ATP11A: variants seen among roughly 807,000 people sequenced by gnomAD.
The protein encoded by ATP11A is phospholipid-transporting ATPase IH.
Under a neutral mutation model 154.4 loss-of-function variants are expected in ATP11A, and 81 were observed. That is an observed-to-expected ratio of 0.52 (90% CI 0.44 to 0.63). The LOEUF (loss-of-function observed/expected upper bound fraction) is 0.63, where lower values mean the gene tolerates loss of function less well. Ranked by LOEUF, ATP11A falls within the 30% of genes least tolerant of loss-of-function variation. The probability of loss-of-function intolerance (pLI) is 0.00; values close to 1 mark genes in which losing one functional copy is unlikely to be tolerated. For missense variants in ATP11A, 1,316 were observed against 1,474.3 expected (o/e 0.89, Z 1.76); for synonymous variants, 623 against 585.9 (o/e 1.06, Z -0.91).
chr13:112,780,621 G>A (rs894093834), intron 1 of ATP11A, among the ~76,000 whole-genome samples: 1 of 152,238 alleles, frequency 6.6e-6, no homozygotes, highest in South Asian at 2.1e-4. Context: ...TCCAGGAGTC[G>A]CTCGAGATGT....
intron 2 of ATP11A, among the ~76,000 whole-genome samples, chr13:112,801,036 A>G (rs980404302): frequency 1.7e-4 from 26 of 152,348 alleles, no homozygotes; most frequent in African/African-American, 5.8e-4. Context: ...CTGACGTCAT[A>G]CTTAATGGTG....
At chr13:112,768,225 CAA>C (rs1465241232) in intron 1 of ATP11A, among the ~76,000 whole-genome samples, 1 of 152,258 alleles carries the variant, frequency 6.6e-6, no homozygotes, top group African/African-American at 2.4e-5. Context: ...ACATGGGACA[CAA>C]GAGGCAGCCC....
In ATP11A at chr13:112,819,332, G is replaced by C. The variant is rs776419257; in HGVS notation, c.599G>C (p.Gly200Ala). The C allele has an allele frequency of 1.2e-6, 2 of 1,614,090 alleles. No homozygotes were observed. The highest frequency in any genetic ancestry group is 2.2e-5 in the East Asian group (1 of 44,892). Reference protein sequence around the residue: ...KTHYAVQDTKGFHTEEDIGGL... With the variant: ...KTHYAVQDTKAFHTEEDIGGL... ...CATTACGCGGTCCAGGACACCAAAG[G>C]CTTCCACACAGAGGAGGATATCGGC... Residue 200 changes from glycine (G) to alanine (A), a missense_variant, in exon 7 of 30, where the codon GGC (glycine) becomes GCC (alanine). Around this residue, in one of 5 missense-constraint regions of ATP11A, gnomAD observed 876 missense variants for 1,006.8 expected, o/e 0.87. Coordinates refer to ENST00000375645, the MANE Select transcript of ATP11A (RefSeq NM_015205.3).
At position 112,869,456 on chromosome 13, in the gene ATP11A, AG is replaced by A. The variant is rs1228549133; in HGVS notation, c.2992-2275del. Among the ~76,000 whole-genome samples, 6 of 152,282 alleles carry A rather than the reference AG, an allele frequency of 3.9e-5. No individual in the cohort carries two copies. The South Asian group carries it at 1.2e-3, about 32-fold the overall frequency. On this transcript the variant is annotated intron_variant, in intron 25 of 29. Coordinates refer to ENST00000375645, the MANE Select transcript of ATP11A (RefSeq NM_015205.3). The stretch of plus-strand genomic sequence containing the variant: ...CAGTTTCTCGGCTCACAGCAGGGAG[AG>A]GGGACAGTGAGGAGGCCGTGTGAGT...
intron 1 of ATP11A, among the ~76,000 whole-genome samples, chr13:112,751,172 G>C (rs114537728): frequency 6.6e-6 from 1 of 152,144 alleles, no homozygotes; most frequent in Admixed American, 6.5e-5. Flanking sequence ...GCGCGTCTTC[G>C]TGTCCTTCCA....
Position 112,703,646 on chromosome 13 carries a change from G to A in ATP11A, c.39+13191G>A, listed in dbSNP as rs1432916551. Among the ~76,000 whole-genome samples, 10 of 152,264 alleles carry A rather than the reference G, an allele frequency of 6.6e-5. No homozygotes were observed. In the East Asian group the frequency reaches 1.9e-3, roughly 29 times the overall value. On this transcript the variant is annotated intron_variant, in intron 1 of 29. Transcript: ENST00000375645. ...TTTTTAAGTTGTGGAACAAAGTTAG[G>A]TAATTTGACCCTTCTTAGATGTAAC...
chr13:112,790,670 A>ACCT (rs1009697472), intron 2 of ATP11A, among the ~76,000 whole-genome samples: 1 of 150,156 alleles, frequency 6.7e-6, no homozygotes, highest in Non-Finnish European at 1.5e-5. Flanking sequence ...CCTGCGATAG[A>ACCT]CCTCCTTAAT....
intron 14 of ATP11A, 96 bp from the exon 15 acceptor site, chr13:112,834,493 T>A: frequency 1.3e-6 from 1 of 787,150 alleles, no homozygotes; most frequent in Non-Finnish European, 2.2e-6. Flanking sequence ...ATTTCTTTTT[T>A]GAAAAGAACG....
rs1292354571 is a variant in ATP11A at position 112,885,480 on chromosome 13, TAC to T, written c.*3620_*3621del. The T allele has an allele frequency of 1.3e-5, 2 of 152,074 alleles. No individual in the cohort carries two copies. Among genetic ancestry groups the T allele is most frequent in the African/African-American group, 2.4e-5 (1 of 41,364 alleles). The allele number at this position is 152,074 out of a possible 1,614,324, so 9.4% of individuals were successfully genotyped here. On this transcript the variant is annotated 3_prime_UTR_variant, in exon 30 of 30. Transcript: ENST00000375645. ...TCGTACACATGTGAGCTCCCACACG[TAC>T]ACACAGATGCACATGGACACACCCC...
At chr13:112,711,122 CT>C (rs1295499437) in intron 1 of ATP11A, among the ~76,000 whole-genome samples, 1 of 152,212 alleles carries the variant, frequency 6.6e-6, no homozygotes, top group African/African-American at 2.4e-5. Flanking sequence ...GTCCTGCGTG[CT>C]GACACTTTAC....
chr13:112,712,655 C>T (rs1371781120), intron 1 of ATP11A, among the ~76,000 whole-genome samples: 2 of 152,204 alleles, frequency 1.3e-5, no homozygotes, highest in South Asian at 2.1e-4. Context: ...ACTGGACCGG[C>T]GTCAGTGCCC....
chr13:112,873,626 G>T lies in ATP11A; in HGVS notation c.3111G>T (p.Gly1037=), dbSNP rs750847270. The change falls in exon 27 of 30, where the codon GGG becomes GGT. Residue 1037 remains glycine (G), a synonymous_variant. Transcript: ENST00000375645. The part of the protein sequence containing the change: ...WTWINHFVIW[G]SLLFYVVFSL... Reference sequence around the variant, plus strand: ...GGATCAACCATTTTGTCATCTGGGGGTCGCTGCTGTTCTACGTTGTCTTTT... The same window carrying T: ...GGATCAACCATTTTGTCATCTGGGGTTCGCTGCTGTTCTACGTTGTCTTTT... 2.5e-6 allele frequency: 4 copies of T among 1,613,398 alleles called. No individual in the cohort carries two copies. The highest frequency in any genetic ancestry group is 2.2e-5 in the South Asian group (2 of 90,978).
At position 112,690,313 on chromosome 13, in the gene ATP11A, G is replaced by T; in HGVS notation, c.-104G>T. 2.2e-6 allele frequency: 2 copies of T among 903,988 alleles called. No homozygotes were observed. The highest frequency in any genetic ancestry group is 1.0e-4 in the South Asian group (2 of 19,108). The allele number at this position is 903,988 out of a possible 1,614,324, so 56.0% of individuals were successfully genotyped here. On this transcript the variant is annotated 5_prime_UTR_variant, in exon 1 of 30. An upstream open reading frame in the 5' UTR loses its in-frame stop. Coordinates refer to ENST00000375645, the MANE Select transcript of ATP11A (RefSeq NM_015205.3). The surrounding 1 kb of genome is among the most constrained non-coding windows in gnomAD (Gnocchi z 5.6). ...GCACCGCCCGGCGCGCCGAGGCCGT[G>T]ACCGGAGCGGGGGGCGCGGCCGCAC... is the stretch of plus-strand genomic sequence containing the variant.
chr13:112,766,800 GT>G lies in ATP11A; in HGVS notation c.40-18333del, dbSNP rs2077089125. Among the ~76,000 whole-genome samples the G allele has an allele frequency of 1.5e-4, 9 of 59,376 alleles. 4 individuals are homozygous for G. In the South Asian group the frequency reaches 1.9e-3, roughly 13 times the overall value. The allele number at this position is 59,376 out of a possible 152,430, so 39.0% of individuals were successfully genotyped here. A position where few individuals can be genotyped will look rare whatever the true frequency, so the allele number is the denominator to read the frequency against. The stretch of plus-strand genomic sequence containing the variant: ...ATTCCTGTGAGGAGGATGTGGGGGC[GT>G]TGGGGGCCACTGTGGGAAGGTGGGG... On this transcript the variant is annotated intron_variant, in intron 1 of 29. Coordinates refer to ENST00000375645, the MANE Select transcript of ATP11A (RefSeq NM_015205.3).
chr13:112,750,620 G>A (rs957309016), intron 1 of ATP11A, among the ~76,000 whole-genome samples: 3 of 151,800 alleles, frequency 2.0e-5, no homozygotes, highest in African/African-American at 7.3e-5. Context: ...GTGGGGACAC[G>A]CCTGCTGAAG....
At chr13:112,767,448 TG>T (rs2077118732) in intron 1 of ATP11A, among the ~76,000 whole-genome samples, 1 of 58,400 alleles carries the variant, frequency 1.7e-5, no homozygotes, top group African/African-American at 7.9e-5. Context: ...GGGGCCCCTG[TG>T]GGAAGGTGGG....
At chr13:112,736,910 A>G (rs1366445347) in intron 1 of ATP11A, among the ~76,000 whole-genome samples, 3 of 152,240 alleles carry the variant, frequency 2.0e-5, no homozygotes, top group Non-Finnish European at 4.4e-5. Context: ...ATTTGTATCC[A>G]GGGCAGCGTT....
At chr13:112,827,807 T>C (rs1323664471) in intron 12 of ATP11A, among the ~76,000 whole-genome samples, 2 of 152,250 alleles carry the variant, frequency 1.3e-5, no homozygotes, top group African/African-American at 2.4e-5. Flanking sequence ...CTCTGCCTCC[T>C]GTGAGGAAGG....
At chr13:112,862,127 G>A (rs896108282) in intron 24 of ATP11A, among the ~76,000 whole-genome samples, 1 of 152,256 alleles carries the variant, frequency 6.6e-6, no homozygotes, top group African/African-American at 2.4e-5. Context: ...CGTCAGGGGT[G>A]TGCCTTGTGT....
Sources: allele counts gnomAD v4.1 joint callset (sites outside exome capture counted in the v4.1 genomes callset), GRCh38; gene constraint gnomAD v4.1.1; regional missense constraint gnomAD v4.1.1; non-coding constraint Gnocchi (gnomAD v3.1); transcripts MANE v1.5; gene names NCBI Gene and HGNC (gene_info 2026-07-23, HGNC 2026-07-21).